LZTS1: variants seen among roughly 807,000 people sequenced by gnomAD.
LZTS1 encodes leucine zipper tumor suppressor 1.
Under a neutral mutation model 45.8 loss-of-function variants are expected in LZTS1, and 31 were observed. The ratio of observed to expected loss-of-function variants is 0.68; its 90% CI spans 0.51 to 0.91. The LOEUF is 0.91. Among genes scored for constraint, LZTS1 ranks in the 40% least tolerant of loss-of-function variants. The probability of loss-of-function intolerance (pLI) is 0.00; values close to 1 mark genes in which losing one functional copy is unlikely to be tolerated. For missense variants in LZTS1, 821 were observed against 788.9 expected (o/e 1.04, Z -0.49); for synonymous variants, 359 against 357.3 (o/e 1.00, Z -0.05).
intron 1 of LZTS1, among the ~76,000 whole-genome samples, chr8:20,270,157 C>T (rs1049272300): frequency 3.9e-5 from 6 of 152,258 alleles, no homozygotes; most frequent in Admixed American, 2.0e-4. Flanking sequence ...CAGTGCGCCG[C>T]GAGGCCCACA....
At chr8:20,297,979 T>C (rs917947652) in intron 1 of LZTS1, among the ~76,000 whole-genome samples, 14 of 152,302 alleles carry the variant, frequency 9.2e-5, no homozygotes, top group Middle Eastern at 6.8e-3. Flanking sequence ...CAGCCCAACA[T>C]TGGGACTCAG....
chr8:20,262,014 A>T (rs1331842129), intron 1 of LZTS1, among the ~76,000 whole-genome samples: 2 of 152,200 alleles, frequency 1.3e-5, no homozygotes, highest in Non-Finnish European at 2.9e-5. Context: ...GCAGGGGGAA[A>T]GCCCACCAGC....
intron 1 of LZTS1, among the ~76,000 whole-genome samples, chr8:20,299,196 G>C (rs1267505394): frequency 1.3e-5 from 2 of 152,166 alleles, no homozygotes; most frequent in African/African-American, 4.8e-5. Flanking sequence ...TTGGAAGAGA[G>C]AGCCCTGTCT....
chr8:20,271,256 CA>C (rs372283821), intron 1 of LZTS1, among the ~76,000 whole-genome samples: 19 of 152,298 alleles, frequency 1.2e-4, no homozygotes, highest in Middle Eastern at 3.4e-3. Context: ...CAAGGCTTCT[CA>C]GTGAACTAGA....
At position 20,247,323 on chromosome 8, in the gene LZTS1, A is replaced by C. The variant is rs1159316096; in HGVS notation, c.*2399T>G. 3.5e-5 allele frequency: 5 copies of C among 143,984 alleles called. No individual in the cohort carries two copies. Among genetic ancestry groups the C allele is most frequent in the Non-Finnish European group, 7.5e-5 (5 of 66,820 alleles). 8.9% of individuals were successfully genotyped at this position (143,984 alleles called of 1,614,324 possible). A position where few individuals can be genotyped will look rare whatever the true frequency, so the allele number is the denominator to read the frequency against. ...GGCAACGTCTGAGGCAGAGCACTGG[A>C]CTCTGACTGCTCTTTCCTGGAGTTG... On this transcript the variant is annotated 3_prime_UTR_variant, in exon 4 of 4. Coordinates refer to ENST00000381569, the MANE Select transcript of LZTS1 (RefSeq NM_021020.5).
intron 1 of LZTS1, among the ~76,000 whole-genome samples, chr8:20,286,515 G>A (rs1002788006): frequency 6.6e-6 from 1 of 152,258 alleles, no homozygotes; most frequent in African/African-American, 2.4e-5. Flanking sequence ...AAGTGCTGGT[G>A]AGGATGTGAA....
At chr8:20,260,511 C>G (rs1800204989) in intron 1 of LZTS1, among the ~76,000 whole-genome samples, 1 of 152,158 alleles carries the variant, frequency 6.6e-6, no homozygotes, top group Admixed American at 6.5e-5. Context: ...AAATCGCACG[C>G]TGCAATTGGG....
At chr8:20,302,143 A>G (rs537081201) in intron 1 of LZTS1, among the ~76,000 whole-genome samples, 4 of 152,256 alleles carry the variant, frequency 2.6e-5, no homozygotes, top group African/African-American at 9.6e-5. Context: ...CTTCACTGGC[A>G]GGCACAGAGA....
chr8:20,296,698 CGTGT>C (rs1403093715), intron 1 of LZTS1, among the ~76,000 whole-genome samples: 4 of 152,040 alleles, frequency 2.6e-5, no homozygotes, highest in Admixed American at 6.6e-5. Context: ...CGTGTGTGTG[CGTGT>C]GTATGTGTGT....
At chr8:20,296,474 A>G (rs1176956437) in intron 1 of LZTS1, among the ~76,000 whole-genome samples, 2 of 152,214 alleles carry the variant, frequency 1.3e-5, no homozygotes, top group African/African-American at 2.4e-5. Flanking sequence ...TGCCCCAGGC[A>G]TGGCATCGGG....
chr8:20,272,286 C>T (rs763011871), intron 1 of LZTS1, among the ~76,000 whole-genome samples: 1 of 152,118 alleles, frequency 6.6e-6, no homozygotes, highest in South Asian at 2.1e-4. Flanking sequence ...TACTCTGGGT[C>T]GCATCTGACC....
At chr8:20,258,255 G>A (rs1031858403) in intron 1 of LZTS1, among the ~76,000 whole-genome samples, 12 of 152,180 alleles carry the variant, frequency 7.9e-5, no homozygotes, top group Non-Finnish European at 1.2e-4. Flanking sequence ...TCTGTTCTTC[G>A]CTGAGCTCTA....
intron 1 of LZTS1, among the ~76,000 whole-genome samples, chr8:20,301,353 C>T (rs1801073933): frequency 6.6e-6 from 1 of 152,108 alleles, no homozygotes; most frequent in East Asian, 1.9e-4. Context: ...TATACATACC[C>T]CGCAGGGCTG....
At position 20,250,357 on chromosome 8, in the gene LZTS1, G is replaced by A; in HGVS notation, c.1156C>T (p.Gln386Ter). ...ALEETQWEVC[Q>*]KSGEISLLKQ... ...AGGAGGGAGATCTCGCCTGACTTCT[G>A]GCACACCTGCCGAGGGTGGGGTGGA... Residue 386 changes from glutamine (Q) to a stop codon, truncating the protein, a stop_gained, in exon 4 of 4, where the codon CAG becomes TAG. Transcript: ENST00000381569. LOFTEE classifies it high-confidence loss of function. 1 of 1,597,840 alleles carries A rather than the reference G, an allele frequency of 6.3e-7. No individual in the cohort carries two copies. Among genetic ancestry groups the A allele is most frequent in the Non-Finnish European group, 8.5e-7 (1 of 1,170,390 alleles).
At chr8:20,274,109 C>T (rs1320815304) in intron 1 of LZTS1, among the ~76,000 whole-genome samples, 3 of 152,160 alleles carry the variant, frequency 2.0e-5, no homozygotes, top group Admixed American at 6.5e-5. Flanking sequence ...TCTGCGTGTT[C>T]TTACAGTGGG....
intron 1 of LZTS1, among the ~76,000 whole-genome samples, chr8:20,273,578 G>C (rs1051028004): frequency 1.3e-5 from 2 of 152,070 alleles, no homozygotes; most frequent in African/African-American, 4.8e-5. Flanking sequence ...GATCAAGCCA[G>C]AAACCGGTCC....
chr8:20,257,109 G>A (rs1490073329), intron 1 of LZTS1, among the ~76,000 whole-genome samples: 1 of 152,220 alleles, frequency 6.6e-6, no homozygotes, highest in Non-Finnish European at 1.5e-5. Context: ...CAGCACTTTG[G>A]GAGGCCAAGG....
At chr8:20,277,763 G>T (rs1322941888) in intron 1 of LZTS1, among the ~76,000 whole-genome samples, 1 of 152,152 alleles carries the variant, frequency 6.6e-6, no homozygotes, top group East Asian at 1.9e-4. Flanking sequence ...ATAGTGCCAA[G>T]AATCTGGTGC....
At chr8:20,259,179 G>C (rs530511330) in intron 1 of LZTS1, among the ~76,000 whole-genome samples, 1 of 152,072 alleles carries the variant, frequency 6.6e-6, no homozygotes, top group East Asian at 1.9e-4. Context: ...CTGTGGCATC[G>C]GCAGGAGTTT....
Sources: gnomAD v4.1 joint callset for allele counts (sites outside exome capture counted in the v4.1 genomes callset) on GRCh38, gnomAD v4.1.1 for gene constraint, MANE v1.5 for transcripts, NCBI Gene and HGNC (gene_info 2026-07-23, HGNC 2026-07-21) for gene names.